Variants in LRMDA observed in about 807,000 individuals in gnomAD.
The protein encoded by LRMDA is leucine rich melanocyte differentiation associated.
Under a neutral mutation model 29.8 loss-of-function variants are expected in LRMDA, and 18 were observed. The ratio of observed to expected loss-of-function variants is 0.60; its 90% confidence interval spans 0.42 to 0.90. The LOEUF is 0.90. Among genes scored for constraint, LRMDA ranks in the 40% least tolerant of loss-of-function variants. The pLI is 0.00. For missense variants in LRMDA, 273 were observed against 273.9 expected (o/e 1.00, Z 0.02); for synonymous variants, 125 against 109.4 (o/e 1.14, Z -0.89).
intron 2 of LRMDA, among the ~76,000 whole-genome samples, chr10:75,794,480 T>C (rs1843619604): frequency 6.6e-6 from 1 of 151,656 alleles, no homozygotes. Context: ...CTGGAGGGGG[T>C]GGGTAGATGT....
In LRMDA at chr10:76,298,802, CT is replaced by C. The variant is rs1840443751; in HGVS notation, c.517-25598del. 2.6e-5 allele frequency among the ~76,000 whole-genome samples: 4 copies of C among 152,268 alleles called. No individual in the cohort carries two copies. The South Asian group carries it at 8.3e-4, about 32-fold the overall frequency. ...TAGGTTTTAACAAATTGTTTTGTGACTGTATGATGGAAGGTCCAATGGATCC... is the reference window on the plus strand; with the variant it reads ...TAGGTTTTAACAAATTGTTTTGTGACGTATGATGGAAGGTCCAATGGATCC... On this transcript the variant is annotated intron_variant, in intron 5 of 6. Transcript: ENST00000611255.
At chr10:76,237,090 C>T (rs1852166162) in intron 5 of LRMDA, among the ~76,000 whole-genome samples, 2 of 152,044 alleles carry the variant, frequency 1.3e-5, no homozygotes, top group Non-Finnish European at 2.9e-5. Context: ...GGGCTGAGGC[C>T]AGAGGATTGC....
chr10:76,458,111 A>T (rs1291233815), intron 6 of LRMDA, among the ~76,000 whole-genome samples: 1 of 125,190 alleles, frequency 8.0e-6, no homozygotes, highest in Non-Finnish European at 1.7e-5. Flanking sequence ...TTTCTTTCAC[A>T]CTCCTAGTGC....
chr10:76,492,883 T>C (rs1263897318), intron 6 of LRMDA, among the ~76,000 whole-genome samples: 8 of 152,030 alleles, frequency 5.3e-5, no homozygotes, highest in Non-Finnish European at 1.2e-4. Context: ...TCTTCAATCA[T>C]GATTCAAGGG....
intron 2 of LRMDA, among the ~76,000 whole-genome samples, chr10:75,724,406 A>G (rs1380117430): frequency 6.6e-6 from 1 of 152,250 alleles, no homozygotes; most frequent in Non-Finnish European, 1.5e-5. Flanking sequence ...TTCAAGCTTT[A>G]CAACATAATA....
At chr10:76,221,062 A>G (rs1198280457) in intron 5 of LRMDA, among the ~76,000 whole-genome samples, 4 of 152,158 alleles carry the variant, frequency 2.6e-5, no homozygotes, top group African/African-American at 9.7e-5. Context: ...CGTTTGACAA[A>G]ATTCAACAAC....
chr10:76,321,411 A>G (rs1840768917), intron 5 of LRMDA, among the ~76,000 whole-genome samples: 2 of 152,072 alleles, frequency 1.3e-5, no homozygotes, highest in Admixed American at 1.3e-4. Context: ...TTTAATTTGC[A>G]TTGCCCTTAG....
At chr10:75,456,419 A>G (rs975818247) in intron 2 of LRMDA, among the ~76,000 whole-genome samples, 3 of 152,188 alleles carry the variant, frequency 2.0e-5, no homozygotes, top group African/African-American at 4.8e-5. Context: ...TCACTCTTTC[A>G]TGCCACAGTG....
intron 5 of LRMDA, among the ~76,000 whole-genome samples, chr10:76,298,233 A>G (rs1840436800): frequency 6.6e-6 from 1 of 152,224 alleles, no homozygotes; most frequent in African/African-American, 2.4e-5. Context: ...GTAAAACATC[A>G]TGCTAACATC....
At chr10:76,251,934 C>A (rs773716976) in intron 5 of LRMDA, among the ~76,000 whole-genome samples, 2 of 152,174 alleles carry the variant, frequency 1.3e-5, no homozygotes, top group African/African-American at 2.4e-5. Context: ...CACTAGAAAT[C>A]CACTCATGTA....
intron 2 of LRMDA, among the ~76,000 whole-genome samples, chr10:75,619,249 G>GGT (rs901518116): frequency 6.6e-6 from 1 of 152,098 alleles, no homozygotes; most frequent in African/African-American, 2.4e-5. Context: ...TGTACAAGTG[G>GGT]ACCCATGAAG....
intron 5 of LRMDA, among the ~76,000 whole-genome samples, chr10:76,238,033 C>T (rs904803531): frequency 6.6e-6 from 1 of 152,020 alleles, no homozygotes; most frequent in African/African-American, 2.4e-5. Context: ...TCAGGTGATC[C>T]ACCCTCCTTG....
At chr10:76,420,652 A>G (rs1449157715) in intron 6 of LRMDA, among the ~76,000 whole-genome samples, 4 of 152,056 alleles carry the variant, frequency 2.6e-5, no homozygotes, top group Non-Finnish European at 5.9e-5. Context: ...TTTCTAATAT[A>G]TGCATTTATT....
At chr10:75,683,347 C>T (rs1452748694) in intron 2 of LRMDA, among the ~76,000 whole-genome samples, 1 of 152,092 alleles carries the variant, frequency 6.6e-6, no homozygotes, top group Non-Finnish European at 1.5e-5. Flanking sequence ...GGCTGGGAGC[C>T]GTGTTAATAT....
chr10:75,595,567 TTATAA>T (rs904388348), intron 2 of LRMDA, among the ~76,000 whole-genome samples: 8 of 149,044 alleles, frequency 5.4e-5, no homozygotes, highest in African/African-American at 1.5e-4. Context: ...CCACATATAA[TTATAA>T]TATATATAAT....
intron 6 of LRMDA, among the ~76,000 whole-genome samples, chr10:76,516,823 A>G (rs1273721081): frequency 6.6e-6 from 1 of 152,206 alleles, no homozygotes; most frequent in Non-Finnish European, 1.5e-5. Context: ...GTGTCTTTAT[A>G]GCAGCATGAT....
intron 5 of LRMDA, among the ~76,000 whole-genome samples, chr10:76,269,950 A>G (rs1030245154): frequency 1.3e-5 from 2 of 152,202 alleles, no homozygotes; most frequent in African/African-American, 2.4e-5. Flanking sequence ...GGAAGCAGAG[A>G]TCTTGAGATG....
intron 6 of LRMDA, among the ~76,000 whole-genome samples, chr10:76,327,092 C>CTTTTTTTT (rs35683783): frequency 7.4e-6 from 1 of 134,992 alleles, no homozygotes; most frequent in Non-Finnish European, 1.6e-5. Flanking sequence ...TCCAAATCAT[C>CTTTTTTTT]TTTTTTTTTT....
At chr10:75,863,332 C>T (rs1282126899) in intron 2 of LRMDA, among the ~76,000 whole-genome samples, 1 of 152,212 alleles carries the variant, frequency 6.6e-6, no homozygotes, top group East Asian at 1.9e-4. Context: ...AGCCCACTCT[C>T]TGAAATCAAA....
Sources: gnomAD v4.1 joint callset for allele counts (sites outside exome capture counted in the v4.1 genomes callset) on GRCh38, gnomAD v4.1.1 for gene constraint, MANE v1.5 for transcripts, NCBI Gene and HGNC (gene_info 2026-07-23, HGNC 2026-07-21) for gene names.